Variants in MAML3 observed in about 807,000 individuals in gnomAD.
MAML3 encodes mastermind like transcriptional coactivator 3, also known as mastermind-like protein 3.
In MAML3, 27 loss-of-function variants were observed where a neutral mutation model predicts 101.9. That is an observed-to-expected ratio of 0.27 (90% CI 0.20 to 0.37). The LOEUF is 0.37. MAML3 is among the 10% of genes least tolerant of loss of function. The probability of loss-of-function intolerance (pLI) is 1.00; values close to 1 mark genes in which losing one functional copy is unlikely to be tolerated. For synonymous variants in MAML3, 501 were observed against 555.9 expected (o/e 0.90, Z 1.39); for missense variants, 1,316 against 1,444.9 (o/e 0.91, Z 1.45).
At chr4:139,781,857 T>A (rs1730222234) in intron 2 of MAML3, among the ~76,000 whole-genome samples, 1 of 152,158 alleles carries the variant, frequency 6.6e-6, no homozygotes. Flanking sequence ...ATGAACAGCA[T>A]AAAATGCTAA....
intron 2 of MAML3, among the ~76,000 whole-genome samples, chr4:139,870,286 C>T (rs1731983138): frequency 6.6e-6 from 1 of 152,138 alleles, no homozygotes; most frequent in Non-Finnish European, 1.5e-5. Flanking sequence ...CGTCAATTCC[C>T]CGTTCCCCTC....
intron 1 of MAML3, among the ~76,000 whole-genome samples, chr4:140,020,095 A>AT (rs1398826228): frequency 7.3e-5 from 11 of 151,708 alleles, no homozygotes; most frequent in South Asian, 2.1e-4. Flanking sequence ...CACCAATGCT[A>AT]TTTTTTTTCC....
In MAML3 at chr4:139,890,642, C is replaced by T; in HGVS notation, c.794G>A (p.Ser265Asn). The T allele has an allele frequency of 6.2e-7, 1 of 1,613,908 alleles. No homozygotes were observed. The highest frequency in any genetic ancestry group is 1.1e-5 in the South Asian group (1 of 91,086). Residue 265 changes from serine (S) to asparagine (N), a missense_variant, in exon 2 of 5, where the codon AGC becomes AAC. Coordinates refer to ENST00000509479, the MANE Select transcript of MAML3 (RefSeq NM_018717.5). The surrounding 1 kb of genome is among the most constrained non-coding windows in gnomAD (Gnocchi z 4.1). Reference sequence around the variant, plus strand: ...GTCTTTGCTCTGCAAGATGGTGAAGCTATCCTCCAGGTCACTGCAACCGTT... The same window carrying T: ...GTCTTTGCTCTGCAAGATGGTGAAGTTATCCTCCAGGTCACTGCAACCGTT... ...PVNGCSDLED[S>N]FTILQSKDLK...
At chr4:139,896,656 G>GAC (rs1732621652) in intron 1 of MAML3, among the ~76,000 whole-genome samples, 1 of 140,654 alleles carries the variant, frequency 7.1e-6, no homozygotes, top group Non-Finnish European at 1.5e-5. Flanking sequence ...GTGTGTGAGA[G>GAC]AGAGAGAGAA....
At chr4:139,722,872 AAC>A (rs1728292883) in intron 4 of MAML3, among the ~76,000 whole-genome samples, 1 of 152,218 alleles carries the variant, frequency 6.6e-6, no homozygotes, top group Admixed American at 6.5e-5. Context: ...GGTGTCTGTA[AAC>A]ACATGAAAAT....
intron 1 of MAML3, among the ~76,000 whole-genome samples, chr4:140,060,199 C>G (rs71606871): frequency 2.0e-5 from 3 of 151,584 alleles, no homozygotes; most frequent in Admixed American, 2.0e-4. Context: ...AACCCAGTCT[C>G]TATTAAAAAT....
intron 1 of MAML3, among the ~76,000 whole-genome samples, chr4:140,145,746 C>T (rs942163804): frequency 6.6e-6 from 1 of 151,498 alleles, no homozygotes; most frequent in African/African-American, 2.4e-5. Context: ...TTGTATTTTT[C>T]GTAGAGATGG....
chr4:139,898,019 A>C (rs1299766699), intron 1 of MAML3, among the ~76,000 whole-genome samples: 1 of 152,162 alleles, frequency 6.6e-6, no homozygotes, highest in Admixed American at 6.5e-5. Context: ...TGTCCTTTAC[A>C]ATTCAGTTTA....
intron 1 of MAML3, among the ~76,000 whole-genome samples, chr4:139,909,836 C>CAAAAAAAA (rs11379402): frequency 4.6e-4 from 27 of 58,690 alleles, no homozygotes; most frequent in African/African-American, 9.6e-4. Flanking sequence ...GATGCCGTCT[C>CAAAAAAAA]AAAAAAAAAA....
chr4:139,817,746 G>T (rs1730914172), intron 2 of MAML3, among the ~76,000 whole-genome samples: 2 of 152,174 alleles, frequency 1.3e-5, no homozygotes, highest in African/African-American at 4.8e-5. Context: ...GCTCTCAGGA[G>T]AGTGGGCAGA....
chr4:139,863,228 C>T (rs1731820262), intron 2 of MAML3, among the ~76,000 whole-genome samples: 1 of 150,812 alleles, frequency 6.6e-6, no homozygotes, highest in Admixed American at 6.6e-5. Context: ...ATGTGAAATG[C>T]TTAGCATAAT....
At chr4:140,065,223 A>G (rs191854400) in intron 1 of MAML3, among the ~76,000 whole-genome samples, 189 of 152,292 alleles carry the variant, frequency 1.2e-3, no homozygotes, top group Admixed American at 2.6e-3. Context: ...ATATAGTGAG[A>G]GATGTGAAAA....
intron 1 of MAML3, among the ~76,000 whole-genome samples, chr4:140,123,800 A>G (rs1209874076): frequency 6.6e-6 from 1 of 152,236 alleles, no homozygotes; most frequent in African/African-American, 2.4e-5. Context: ...GAATAATAAA[A>G]TGAAGTTGGG....
intron 1 of MAML3, among the ~76,000 whole-genome samples, chr4:139,992,859 T>C (rs1734706807): frequency 6.6e-6 from 1 of 152,178 alleles, no homozygotes; most frequent in Non-Finnish European, 1.5e-5. Flanking sequence ...ACCGAGCCTA[T>C]TTTGTGTCTT....
chr4:139,922,671 C>T (rs1733150475), intron 1 of MAML3, among the ~76,000 whole-genome samples: 3 of 152,140 alleles, frequency 2.0e-5, no homozygotes, highest in Non-Finnish European at 4.4e-5. Context: ...TTTTTCATTT[C>T]AAAATCAGCT....
At chr4:139,775,378 C>T (rs373379778) in intron 2 of MAML3, among the ~76,000 whole-genome samples, 14 of 152,200 alleles carry the variant, frequency 9.2e-5, no homozygotes, top group East Asian at 7.8e-4. Context: ...TTCAATAGAG[C>T]GCACCCTCTG....
intron 1 of MAML3, 124 bp downstream of exon 1, chr4:140,152,736 T>G (rs1269029170): frequency 6.9e-7 from 1 of 1,453,626 alleles, no homozygotes; most frequent in African/African-American, 1.4e-5. Flanking sequence ...CCCTTAGGCT[T>G]CAGCCCACCT....
intron 1 of MAML3, among the ~76,000 whole-genome samples, chr4:140,069,149 G>GT (rs1727587486): frequency 6.6e-6 from 1 of 152,022 alleles, no homozygotes; most frequent in African/African-American, 2.4e-5. Context: ...ACTTTACATG[G>GT]GAAAAAAATT....
intron 2 of MAML3, among the ~76,000 whole-genome samples, chr4:139,751,307 A>G (rs1395999177): frequency 6.6e-6 from 1 of 152,222 alleles, no homozygotes; most frequent in East Asian, 1.9e-4. Context: ...GATCAGAAGT[A>G]TTACGAATTT....
Sources: gnomAD v4.1 joint callset for allele counts (sites outside exome capture counted in the v4.1 genomes callset) on GRCh38, gnomAD v4.1.1 for gene constraint, Gnocchi (gnomAD v3.1) non-coding constraint, MANE v1.5 for transcripts, NCBI Gene and HGNC (gene_info 2026-07-23, HGNC 2026-07-21) for gene names.